The following NMNAT2 variants were observed in gnomAD, a reference collection of about 807,000 sequenced individuals.
NMNAT2 encodes nicotinamide nucleotide adenylyltransferase 2, also known as nicotinamide/nicotinic acid mononucleotide adenylyltransferase 2.
In NMNAT2, 11 loss-of-function variants were observed where a neutral mutation model predicts 41.6. The observed-to-expected ratio is 0.26, with a 90% confidence interval of 0.17 to 0.44. The LOEUF is 0.44. Ranked by LOEUF, NMNAT2 falls within the 20% of genes least tolerant of loss-of-function variation. The pLI is 1.00. For missense variants in NMNAT2, 288 were observed against 407.7 expected, an observed-to-expected ratio of 0.71 and a Z score of 2.53; for synonymous variants, 148 against 151.2, an observed-to-expected ratio of 0.98 and a Z score of 0.16.
At position 183,390,373 on chromosome 1, in the gene NMNAT2, T is replaced by C. The variant is rs561970670; in HGVS notation, c.85+27810A>G. Among the ~76,000 whole-genome samples the C allele has an allele frequency of 1.2e-4, 18 of 152,290 alleles. No individual in the cohort carries two copies. The South Asian group carries it at 3.7e-3, about 32-fold the overall frequency. On this transcript the variant is annotated intron_variant, in intron 1 of 10. Coordinates refer to ENST00000287713, the MANE Select transcript of NMNAT2 (RefSeq NM_015039.4). ...ATGCCCTCAGTCCTCAGTTTCCTTA[T>C]TATAACGGAGCTGAGCCTGAGAAAG...
intron 1 of NMNAT2, among the ~76,000 whole-genome samples, chr1:183,370,180 T>C (rs767660784): frequency 6.6e-5 from 10 of 151,588 alleles, no homozygotes; most frequent in Non-Finnish European, 1.5e-4. Flanking sequence ...TCTACTGCTC[T>C]GTTTATCCAC....
chr1:183,257,631 C>G (rs1351774215), intron 10 of NMNAT2, among the ~76,000 whole-genome samples: 3 of 152,138 alleles, frequency 2.0e-5, no homozygotes, highest in African/African-American at 4.8e-5. Flanking sequence ...TATCCCTGCC[C>G]TCTAGGTTAC....
chr1:183,395,605 C>T (rs186006640), intron 1 of NMNAT2, among the ~76,000 whole-genome samples: 1 of 152,210 alleles, frequency 6.6e-6, no homozygotes, highest in East Asian at 1.9e-4. Context: ...TAAGTAGGGA[C>T]TGGAGCCATG....
chr1:183,337,228 G>C (rs1359469540), intron 1 of NMNAT2, among the ~76,000 whole-genome samples: 1 of 151,850 alleles, frequency 6.6e-6, no homozygotes, highest in Non-Finnish European at 1.5e-5. Flanking sequence ...TGGGAAAAAA[G>C]ATTTCTACAA....
chr1:183,252,401 CGA>C lies in NMNAT2; in HGVS notation c.*238_*239del. 1 of 524,328 alleles carries C rather than the reference CGA, an allele frequency of 1.9e-6. No individual in the cohort carries two copies. The highest frequency in any genetic ancestry group is 3.2e-5 in the Admixed American group (1 of 31,274). 32.5% of individuals were successfully genotyped at this position (524,328 alleles called of 1,614,324 possible). On this transcript the variant is annotated 3_prime_UTR_variant, in exon 11 of 11. Coordinates refer to ENST00000287713, the MANE Select transcript of NMNAT2 (RefSeq NM_015039.4). Reference sequence around the variant, plus strand: ...ACATCTCCAAGGACTGCACTTCCCCCGACTCCCACCCCATTCCCTCACCCACC... The same window carrying C: ...ACATCTCCAAGGACTGCACTTCCCCCCTCCCACCCCATTCCCTCACCCACC...
intron 1 of NMNAT2, among the ~76,000 whole-genome samples, chr1:183,341,725 C>CAAAAAAAAAAACAAAAAA (rs1662811194): frequency 4.5e-5 from 1 of 22,210 alleles, no homozygotes; most frequent in African/African-American, 1.6e-4. Flanking sequence ...AAACAAACAC[C>CAAAAAAAAAAACAAAAAA]AAAAAAAAAA....
intron 1 of NMNAT2, among the ~76,000 whole-genome samples, chr1:183,319,456 G>A (rs12734496): frequency 0.093 from 14,140 of 152,226 alleles, 896 homozygotes; most frequent in Non-Finnish European, 0.13. Context: ...CAATGTTCTC[G>A]AGGTTGAGCC....
intron 1 of NMNAT2, among the ~76,000 whole-genome samples, chr1:183,405,397 T>A (rs1340077055): frequency 6.6e-6 from 1 of 152,204 alleles, no homozygotes; most frequent in African/African-American, 2.4e-5. Flanking sequence ...GTTGTATTGT[T>A]CTGTTTACTT....
chr1:183,268,221 C>T (rs755320603), intron 8 of NMNAT2, among the ~76,000 whole-genome samples: 11 of 152,024 alleles, frequency 7.2e-5, no homozygotes, highest in African/African-American at 1.5e-4. Context: ...TTGGAAGGAA[C>T]GTAGAGTTTG....
In NMNAT2 at chr1:183,317,178, G is replaced by A. The variant is rs537567859; in HGVS notation, c.86-23385C>T. 1.3e-5 allele frequency among the ~76,000 whole-genome samples: 2 copies of A among 152,344 alleles called. 1 individual carries two copies. The highest frequency in any genetic ancestry group is 4.1e-4 in the South Asian group (2 of 4,828). On this transcript the variant is annotated intron_variant, in intron 1 of 10. Transcript: ENST00000287713. ...AAAAGTGGCAGCCTCAGAGTGGGGT[G>A]GGCCTGGCTGGTCAGCCGTTTTATC...
At chr1:183,272,264 C>T (rs1661004527) in intron 8 of NMNAT2, among the ~76,000 whole-genome samples, 1 of 152,156 alleles carries the variant, frequency 6.6e-6, no homozygotes, top group Admixed American at 6.5e-5. Flanking sequence ...ATGCTGGTGT[C>T]AGGATGCAGC....
At chr1:183,264,526 G>A (rs1195556976) in intron 8 of NMNAT2, among the ~76,000 whole-genome samples, 2 of 152,158 alleles carry the variant, frequency 1.3e-5, no homozygotes, top group East Asian at 1.9e-4. Context: ...GCCAGAGACT[G>A]CAGATACTCT....
intron 1 of NMNAT2, among the ~76,000 whole-genome samples, chr1:183,391,075 A>C (rs1232914505): frequency 6.6e-6 from 1 of 152,206 alleles, no homozygotes; most frequent in Non-Finnish European, 1.5e-5. Flanking sequence ...AGCATAGAAG[A>C]GTTCCCTCAC....
intron 1 of NMNAT2, among the ~76,000 whole-genome samples, chr1:183,337,792 T>TTA (rs766305291): frequency 6.6e-6 from 1 of 152,152 alleles, no homozygotes; most frequent in Non-Finnish European, 1.5e-5. Flanking sequence ...GCACTTTTAT[T>TTA]GCCATTTTCC....
chr1:183,360,109 A>T (rs1440098094), intron 1 of NMNAT2, among the ~76,000 whole-genome samples: 1 of 151,934 alleles, frequency 6.6e-6, no homozygotes, highest in Non-Finnish European at 1.5e-5. Flanking sequence ...CTCTGTCCTT[A>T]TTTCTGTATC....
chr1:183,290,234 T>G, intron 3 of NMNAT2, 28 bp from the exon 4 acceptor site: 1 of 1,529,566 alleles, frequency 6.5e-7, no homozygotes, highest in Non-Finnish European at 8.9e-7. Context: ...AAGTTTCCCT[T>G]GGTTTCTGTT....
chr1:183,418,326 T>A lies in NMNAT2; in HGVS notation c.-59A>T. 1 of 1,523,338 alleles carries A rather than the reference T, an allele frequency of 6.6e-7. No individual in the cohort carries two copies. Among genetic ancestry groups the A allele is most frequent in the African/African-American group, 1.4e-5 (1 of 73,134 alleles). The allele number at this position is 1,523,338 out of a possible 1,614,324, so 94.4% of individuals were successfully genotyped here. A position where few individuals can be genotyped will look rare whatever the true frequency, so the allele number is the denominator to read the frequency against. ...TTGCCTCTCTTTTTGTGTCTCGTTGTGTCTGCAGAGGGAGAAAGGAAGGCG... is the reference window on the plus strand; with the variant it reads ...TTGCCTCTCTTTTTGTGTCTCGTTGAGTCTGCAGAGGGAGAAAGGAAGGCG... On this transcript the variant is annotated 5_prime_UTR_variant, in exon 1 of 11. Transcript: ENST00000287713.
intron 7 of NMNAT2, 184 bp from the exon 8 acceptor site, chr1:183,278,813 G>A (rs1368928622): frequency 1.6e-5 from 9 of 575,418 alleles, no homozygotes; most frequent in Middle Eastern, 4.7e-4. Flanking sequence ...CCTCTTCCTC[G>A]GGCTCATTTC....
chr1:183,400,884 C>T (rs892077734), intron 1 of NMNAT2, among the ~76,000 whole-genome samples: 3 of 152,136 alleles, frequency 2.0e-5, no homozygotes, highest in African/African-American at 7.2e-5. Context: ...AAACTGGATC[C>T]CTTCCTTACA....
Sources: gnomAD v4.1 joint callset for allele counts (sites outside exome capture counted in the v4.1 genomes callset) on GRCh38, gnomAD v4.1.1 for gene constraint, MANE v1.5 for transcripts, NCBI Gene and HGNC (gene_info 2026-07-23, HGNC 2026-07-21) for gene names.